Variants in FBRSL1 observed in about 807,000 individuals in gnomAD.
FBRSL1 encodes fibrosin-1-like protein.
FBRSL1 carries 51 observed loss-of-function variants against 89.6 expected under a neutral mutation model. The observed-to-expected ratio is 0.57, with a 90% CI of 0.45 to 0.72. The LOEUF is 0.72. Among genes scored for constraint, FBRSL1 ranks in the 30% least tolerant of loss-of-function variants. FBRSL1 has a pLI of 0.00. For missense variants in FBRSL1, 1,618 were observed against 1,451.8 expected (o/e 1.11, Z -1.86); for synonymous variants, 779 against 681.1 (o/e 1.14, Z -2.24).
intron 5 of FBRSL1, among the ~76,000 whole-genome samples, chr12:132,557,893 G>A (rs1297296773): frequency 6.6e-6 from 1 of 152,206 alleles, no homozygotes; most frequent in Non-Finnish European, 1.5e-5. Flanking sequence ...GGGGGCTGAG[G>A]ATGCACTGGA....
At chr12:132,497,156 C>T (rs1273856019) in intron 1 of FBRSL1, among the ~76,000 whole-genome samples, 1 of 152,214 alleles carries the variant, frequency 6.6e-6, no homozygotes, top group South Asian at 2.1e-4. Context: ...GTCAAAATGG[C>T]ATAAGAATTT....
At chr12:132,542,298 T>C (rs937349486) in intron 4 of FBRSL1, among the ~76,000 whole-genome samples, 2 of 152,204 alleles carry the variant, frequency 1.3e-5, no homozygotes, top group Non-Finnish European at 2.9e-5. Context: ...AGGCCACACA[T>C]GCTCAGCCAG....
intron 2 of FBRSL1, chr12:132,509,270 G>A (rs1390771422): frequency 8.0e-7 from 1 of 1,253,772 alleles, no homozygotes; most frequent in Non-Finnish European, 9.9e-7. Context: ...GCCAGCCCCA[G>A]GGGTCCCTCC....
Position 132,525,821 on chromosome 12 carries a change from G to A in FBRSL1, c.577G>A (p.Asp193Asn), listed in dbSNP as rs931570140. ...CACCAGCTCCCGGGACCCGCTCAGC[G>A]ATGTGAGTACCCAGCTGCCCGCGCC... ...EATSSRDPLS[D>N]SSAHAVSGRG... Residue 193 changes from aspartate to asparagine, a missense_variant and splice_region_variant, in exon 3 of 19, where the codon GAT (aspartate) becomes AAT (asparagine). Coordinates refer to ENST00000680143, the MANE Select transcript of FBRSL1 (RefSeq NM_001367871.1). The A allele has an allele frequency of 8.4e-6, 13 of 1,548,234 alleles. No individual in the cohort carries two copies. The highest frequency in any genetic ancestry group is 1.1e-5 in the Non-Finnish European group (13 of 1,145,240).
At chr12:132,506,079 T>G (rs1204290669) in intron 1 of FBRSL1, among the ~76,000 whole-genome samples, 77 of 152,304 alleles carry the variant, frequency 5.1e-4, no homozygotes, top group Non-Finnish European at 1.3e-4. Context: ...CTCTAGAATG[T>G]TCACTCAGCA....
rs533830299 is a variant in FBRSL1, at chr12:132,570,225, G to A, written c.991G>A (p.Gly331Ser). The A allele has an allele frequency of 2.2e-5, 33 of 1,494,628 alleles. No individual in the cohort carries two copies. The highest frequency in any genetic ancestry group is 9.0e-5 in the Admixed American group (4 of 44,242). 92.6% of individuals were successfully genotyped at this position (1,494,628 alleles called of 1,614,324 possible). Residue 331 changes from glycine (G) to serine (S), a missense_variant, in exon 7 of 19, where the codon GGC (glycine) becomes AGC (serine). By Grantham distance (56) the Gly-to-Ser change is moderately conservative (BLOSUM62 0). Transcript: ENST00000680143. ...FAGHSQAAAN[G>S]LHGLSRSSSA... ...GGGCCACAGCCAGGCGGCAGCCAAC[G>A]GCCTGCACGGCCTCAGGTGGGGTCC...
chr12:132,541,418 C>G (rs911074306), intron 4 of FBRSL1, among the ~76,000 whole-genome samples: 1 of 152,216 alleles, frequency 6.6e-6, no homozygotes, highest in East Asian at 1.9e-4. Flanking sequence ...CCAGCAGCCC[C>G]GCCAGAGGTC....
intron 5 of FBRSL1, among the ~76,000 whole-genome samples, chr12:132,561,007 G>A (rs1044343813): frequency 6.6e-6 from 1 of 152,218 alleles, no homozygotes; most frequent in Admixed American, 6.5e-5. Flanking sequence ...AGCCCCAGAA[G>A]GTGCAGCTGC....
intron 5 of FBRSL1, among the ~76,000 whole-genome samples, chr12:132,556,987 G>A (rs961106319): frequency 6.6e-6 from 1 of 152,170 alleles, no homozygotes; most frequent in African/African-American, 2.4e-5. Context: ...CCCAGCGCTC[G>A]GCTAACCATG....
intron 5 of FBRSL1, chr12:132,551,142 T>G (rs2038123773): frequency 2.9e-6 from 1 of 343,636 alleles, no homozygotes; most frequent in Admixed American, 3.8e-5. Flanking sequence ...ATGGCAGAAT[T>G]CCCGGCTCTG....
At chr12:132,515,302 C>T (rs1162488748) in intron 2 of FBRSL1, among the ~76,000 whole-genome samples, 1 of 152,154 alleles carries the variant, frequency 6.6e-6, no homozygotes, top group African/African-American at 2.4e-5. Flanking sequence ...TAGAAGTTGA[C>T]AGTCATTCTC....
At chr12:132,508,001 C>T (rs1277551028) in intron 1 of FBRSL1, among the ~76,000 whole-genome samples, 152 bp from the exon 2 acceptor site, 1 of 152,208 alleles carries the variant, frequency 6.6e-6, no homozygotes, top group Non-Finnish European at 1.5e-5. Context: ...CCCCTCCCAT[C>T]CCCCGTCCCA....
chr12:132,508,488 G>T, intron 2 of FBRSL1, 138 bp downstream of exon 2: 2 of 1,093,188 alleles, frequency 1.8e-6, no homozygotes, highest in Non-Finnish European at 2.5e-6. Flanking sequence ...CAGGCTTGGG[G>T]TGCAGGACAC....
In FBRSL1 at chr12:132,582,168, G is replaced by A; in HGVS notation, c.2103G>A (p.Pro701=). The part of the protein sequence containing the change: ...NRLHRAPPSF[P]APPPWPKSVD... ...TGCACCGGGCACCGCCCTCCTTCCCGGCTCCGCCCCCGTGGCCCAAGTCCG... is the reference window on the plus strand; with the variant it reads ...TGCACCGGGCACCGCCCTCCTTCCCAGCTCCGCCCCCGTGGCCCAAGTCCG... The change falls in exon 18 of 19, where the codon CCG becomes CCA. Residue 701 remains proline (P), a synonymous_variant. Coordinates refer to ENST00000680143, the MANE Select transcript of FBRSL1 (RefSeq NM_001367871.1). 2 of 1,550,026 alleles carry A rather than the reference G, an allele frequency of 1.3e-6. No individual in the cohort carries two copies. Among genetic ancestry groups the A allele is most frequent in the Non-Finnish European group, 1.7e-6 (2 of 1,146,818 alleles).
chr12:132,580,527 C>T (rs375169360), intron 15 of FBRSL1, among the ~76,000 whole-genome samples: 29 of 152,306 alleles, frequency 1.9e-4, no homozygotes, highest in African/African-American at 6.7e-4. Context: ...TCTCCCAGTG[C>T]GGGCATTTGA....
At chr12:132,581,614 G>C in intron 16 of FBRSL1, 98 bp downstream of exon 16, 5 of 1,495,406 alleles carry the variant, frequency 3.3e-6, no homozygotes, top group Non-Finnish European at 3.6e-6. Context: ...CCGAGCCCCA[G>C]GGAGCCCCTT....
intron 18 of FBRSL1, 56 bp downstream of exon 18, chr12:132,582,322 C>G: frequency 6.9e-7 from 1 of 1,450,320 alleles, no homozygotes; most frequent in South Asian, 1.3e-5. Context: ...CGTTCTTTCC[C>G]CCCTCCCGTC....
chr12:132,535,282 A>G (rs1046229343), intron 4 of FBRSL1, among the ~76,000 whole-genome samples: 5 of 152,364 alleles, frequency 3.3e-5, no homozygotes, highest in South Asian at 2.1e-4. Flanking sequence ...CCAGGGGGCC[A>G]TCTTTTATTC....
intron 4 of FBRSL1, among the ~76,000 whole-genome samples, chr12:132,528,423 C>T (rs1173960457): frequency 6.6e-6 from 1 of 152,152 alleles, no homozygotes; most frequent in Non-Finnish European, 1.5e-5. Flanking sequence ...TGAGCAGCCA[C>T]CTCCAATGCC....
Sources: allele counts gnomAD v4.1 joint callset (sites outside exome capture counted in the v4.1 genomes callset), GRCh38; gene constraint gnomAD v4.1.1; transcripts MANE v1.5; gene names NCBI Gene and HGNC (gene_info 2026-07-23, HGNC 2026-07-21).